Variants in SEMA6D observed in about 807,000 individuals in gnomAD.
SEMA6D encodes the protein semaphorin-6D.
A neutral mutation model predicts 106.6 loss-of-function variants in SEMA6D; 35 were observed. The ratio of observed to expected loss-of-function variants is 0.33; its 90% CI spans 0.25 to 0.44. SEMA6D has a LOEUF of 0.44. SEMA6D is among the 20% of genes least tolerant of loss of function. SEMA6D has a pLI of 1.00. For missense variants in SEMA6D, 1,185 were observed against 1,345.9 expected (o/e 0.88, Z 1.87); for synonymous variants, 499 against 487.7 (o/e 1.02, Z -0.31).
Position 47,595,702 on chromosome 15 carries a change from G to C in SEMA6D, c.-86-5163G>C, listed in dbSNP as rs149701218. Among the ~76,000 whole-genome samples the C allele has an allele frequency of 1.5e-3, 225 of 152,144 alleles. 2 individuals carry two copies. Among genetic ancestry groups the C allele is most frequent in the African/African-American group, 5.3e-3 (218 of 41,512 alleles). ...ATGACCCATGAAGTCATCAAGTCCT[G>C]GGCTTTTCTTTGATGGGAGAAAATT... On this transcript the variant is annotated intron_variant, in intron 3 of 19. Transcript: ENST00000558014.
intron 1 of SEMA6D, among the ~76,000 whole-genome samples, chr15:47,257,941 T>G (rs2142034077): frequency 6.6e-6 from 1 of 152,348 alleles, no homozygotes; most frequent in East Asian, 1.9e-4. Context: ...TGTTTTTTAG[T>G]GTATACACAT....
chr15:47,607,328 C>T (rs1481511494), intron 4 of SEMA6D, among the ~76,000 whole-genome samples: 1 of 152,100 alleles, frequency 6.6e-6, no homozygotes, highest in Admixed American at 6.5e-5. Context: ...AACAAGCAGC[C>T]TTAGAAATTT....
At chr15:47,607,931 C>T (rs2076815868) in intron 4 of SEMA6D, among the ~76,000 whole-genome samples, 1 of 152,124 alleles carries the variant, frequency 6.6e-6, no homozygotes, top group African/African-American at 2.4e-5. Context: ...ACTTTGTTTT[C>T]CTGTCATTTC....
intron 4 of SEMA6D, among the ~76,000 whole-genome samples, chr15:47,650,524 A>G (rs1020897871): frequency 1.3e-5 from 2 of 152,210 alleles, no homozygotes; most frequent in Non-Finnish European, 2.9e-5. Context: ...CTCGGTAATG[A>G]GTTGCTGATT....
At chr15:47,632,549 G>A (rs1427787701) in intron 4 of SEMA6D, among the ~76,000 whole-genome samples, 1 of 151,900 alleles carries the variant, frequency 6.6e-6, no homozygotes. Flanking sequence ...AACATTTGTT[G>A]TGAATTCTAC....
chr15:47,756,617 T>C (rs1203019676), intron 1 of SEMA6D, among the ~76,000 whole-genome samples: 1 of 152,232 alleles, frequency 6.6e-6, no homozygotes, highest in Non-Finnish European at 1.5e-5. Flanking sequence ...ATTTTTCTAA[T>C]CTCAAGATCC....
chr15:47,323,552 C>T (rs1276647367), intron 1 of SEMA6D, among the ~76,000 whole-genome samples: 3 of 152,090 alleles, frequency 2.0e-5, no homozygotes, highest in Non-Finnish European at 4.4e-5. Flanking sequence ...CAGAAGGAAC[C>T]AGTCGAGAGA....
At chr15:47,224,149 A>T (rs1381236371) in intron 1 of SEMA6D, among the ~76,000 whole-genome samples, 1 of 148,500 alleles carries the variant, frequency 6.7e-6, no homozygotes, top group Non-Finnish European at 1.5e-5. Flanking sequence ...CTAAAACTTA[A>T]AGTATAATAA....
At position 47,493,247 on chromosome 15, in the gene SEMA6D, G is replaced by GAT. The variant is rs2043529224; in HGVS notation, c.-87+22705_-87+22706dup. ...GAACAACAGCCCATTCTTGGAGTTT[G>GAT]ATATTCACATAGGGAAAACTGTGGC... On this transcript the variant is annotated intron_variant, in intron 3 of 19. Coordinates refer to the SEMA6D transcript ENST00000558014. Among the ~76,000 whole-genome samples, 4 of 152,298 alleles carry GAT rather than the reference G, an allele frequency of 2.6e-5. No homozygotes were observed. In the South Asian group the frequency reaches 8.3e-4, roughly 32 times the overall value.
At position 47,705,229 on chromosome 15, in the gene SEMA6D, A is replaced by G. The variant is rs1325727380; in HGVS notation, c.-54-54516A>G. Among the ~76,000 whole-genome samples the G allele has an allele frequency of 2.6e-5, 4 of 152,292 alleles. No individual in the cohort carries two copies. In the East Asian group the frequency reaches 7.7e-4, roughly 29 times the overall value. On this transcript the variant is annotated intron_variant, in intron 4 of 19. Transcript: ENST00000558014. ...TAACTAGAGGGGCTTATTGTAATGGAGAAGGGAGGCAGATCAAAGCACCCC... is the reference window on the plus strand; with the variant it reads ...TAACTAGAGGGGCTTATTGTAATGGGGAAGGGAGGCAGATCAAAGCACCCC...
At chr15:47,283,813 A>G (rs2035240248) in intron 1 of SEMA6D, among the ~76,000 whole-genome samples, 1 of 152,222 alleles carries the variant, frequency 6.6e-6, no homozygotes, top group Non-Finnish European at 1.5e-5. Flanking sequence ...CACAGCTGGC[A>G]CAGGCAAACC....
At chr15:47,674,484 TA>T (rs2078203140) in intron 4 of SEMA6D, among the ~76,000 whole-genome samples, 1 of 152,216 alleles carries the variant, frequency 6.6e-6, no homozygotes, top group South Asian at 2.1e-4. Flanking sequence ...ATTCTTTGAT[TA>T]AGAGGATAAC....
chr15:47,470,631 T>C (rs2141162946), intron 3 of SEMA6D: 1 of 152,262 alleles, frequency 6.6e-6, no homozygotes, highest in South Asian at 2.1e-4. Flanking sequence ...GGAAGATTCA[T>C]TCCTTTAGGG....
chr15:47,336,406 AC>A (rs1449071853), intron 1 of SEMA6D, among the ~76,000 whole-genome samples: 1 of 152,148 alleles, frequency 6.6e-6, no homozygotes, highest in African/African-American at 2.4e-5. Flanking sequence ...CAAATTCTCC[AC>A]TTGATAATTA....
intron 3 of SEMA6D, among the ~76,000 whole-genome samples, chr15:47,517,930 C>G (rs57954675): frequency 4.1e-4 from 62 of 152,168 alleles, no homozygotes; most frequent in Admixed American, 3.3e-4. Flanking sequence ...TTTGGCCCAC[C>G]CTGACCCACT....
rs2082050100 is a variant in SEMA6D, at chr15:47,761,312, A to C, written c.346-18A>C. 2 of 1,610,476 alleles carry C rather than the reference A, an allele frequency of 1.2e-6. No individual in the cohort carries two copies. Among genetic ancestry groups the C allele is most frequent in the Admixed American group, 1.7e-5 (1 of 59,742 alleles). On this transcript the variant is annotated intron_variant, in intron 5 of 18. Coordinates refer to ENST00000536845, the MANE Select transcript of SEMA6D (RefSeq NM_001358351.3). ...ATGTTCAAATGTCTAATATTAATGT[A>C]ACTACTACTTTCTTTAGGATGAATG...
intron 1 of SEMA6D, among the ~76,000 whole-genome samples, chr15:47,331,456 T>TA (rs1459597828): frequency 6.6e-6 from 1 of 152,202 alleles, no homozygotes; most frequent in East Asian, 1.9e-4. Context: ...ATGCAATAAA[T>TA]ATATTTTTAG....
intron 1 of SEMA6D, among the ~76,000 whole-genome samples, chr15:47,211,775 G>GA (rs769923153): frequency 2.0e-5 from 3 of 152,004 alleles, no homozygotes. Flanking sequence ...GGAAAGAAAA[G>GA]AAACAGATAA....
chr15:47,751,585 C>T (rs2081439067), intron 1 of SEMA6D, among the ~76,000 whole-genome samples: 1 of 152,256 alleles, frequency 6.6e-6, no homozygotes, highest in South Asian at 2.1e-4. Context: ...ACAGCATTCT[C>T]AGCAGAAAAA....
Sources: gnomAD v4.1 joint callset for allele counts (sites outside exome capture counted in the v4.1 genomes callset) on GRCh38, gnomAD v4.1.1 for gene constraint, MANE v1.5 for transcripts, NCBI Gene and HGNC (gene_info 2026-07-23, HGNC 2026-07-21) for gene names.